Variants in SFXN1 observed in about 807,000 individuals in gnomAD.
SFXN1 encodes sideroflexin-1.
Under a neutral mutation model 39.5 loss-of-function variants are expected in SFXN1, and 32 were observed. The ratio of observed to expected loss-of-function variants is 0.81; its 90% CI spans 0.61 to 1.09. The LOEUF (loss-of-function observed/expected upper bound fraction) is 1.09, where lower values mean the gene tolerates loss of function less well. SFXN1 is among the 50% of genes least tolerant of loss of function. The pLI, the probability that SFXN1 is intolerant of heterozygous loss-of-function variation, is 0.00. For missense variants in SFXN1, 402 were observed against 407.1 expected (o/e 0.99, Z 0.11); for synonymous variants, 136 against 146.5 (o/e 0.93, Z 0.52).
intron 7 of SFXN1, chr5:175,513,826 G>A: frequency 2.5e-6 from 1 of 398,986 alleles, no homozygotes; most frequent in East Asian, 4.7e-5. Flanking sequence ...ACTGGGTGGA[G>A]GTGTGGGAGT....
chr5:175,514,899 T>G (rs1760666492), intron 7 of SFXN1, among the ~76,000 whole-genome samples: 1 of 152,234 alleles, frequency 6.6e-6, no homozygotes, highest in Non-Finnish European at 1.5e-5. Context: ...AGCACGTTTG[T>G]CACTAACCTA....
At chr5:175,485,236 T>C (rs749256933) in intron 1 of SFXN1, among the ~76,000 whole-genome samples, 38 of 152,244 alleles carry the variant, frequency 2.5e-4, no homozygotes, top group Non-Finnish European at 4.7e-4. Flanking sequence ...GGAAACAGTG[T>C]TGTATTCATT....
At position 175,527,347 on chromosome 5, in the gene SFXN1, GCCTTC is replaced by G. The variant is rs1393617926; in HGVS notation, c.*617_*621del. 1 of 152,240 alleles carries G rather than the reference GCCTTC, an allele frequency of 6.6e-6. No homozygotes were observed. Among genetic ancestry groups the G allele is most frequent in the East Asian group, 1.9e-4 (1 of 5,200 alleles). 9.4% of individuals were successfully genotyped at this position (152,240 alleles called of 1,614,324 possible). A position where few individuals can be genotyped will look rare whatever the true frequency, so the allele number is the denominator to read the frequency against. The stretch of plus-strand genomic sequence containing the variant: ...AGTCAGTCACAGACCACTGCAACAT[GCCTTC>G]CCTGCTGGATCATTATATACATTCA... On this transcript the variant is annotated 3_prime_UTR_variant, in exon 11 of 11. Transcript: ENST00000321442.
intron 10 of SFXN1, chr5:175,525,802 T>C (rs1761040435): frequency 1.3e-5 from 2 of 152,060 alleles, no homozygotes; most frequent in Admixed American, 1.3e-4. Flanking sequence ...ATACAAAAAT[T>C]TGGGTCTCAC....
At position 175,528,743 on chromosome 5, in the gene SFXN1, G is replaced by C. The variant is rs273077; in HGVS notation, c.*2009G>C. On this transcript the variant is annotated 3_prime_UTR_variant, in exon 11 of 11. Transcript: ENST00000321442. ...TGTCTTAAACCATTGGAAGCAAAAC[G>C]GTTTTCCCATGACATTCTGGCCTTG... 0.53 allele frequency: 81,084 copies of C among 151,942 alleles called. 23,548 individuals are homozygous for C. The highest frequency in any genetic ancestry group is 0.66 in the Non-Finnish European group (44,788 of 67,954). 9.4% of individuals were successfully genotyped at this position (151,942 alleles called of 1,614,324 possible). A position where few individuals can be genotyped will look rare whatever the true frequency, so the allele number is the denominator to read the frequency against.
rs745533882 is a variant in SFXN1 at position 175,526,482 on chromosome 5, C to T, written c.873-156C>T. On this transcript the variant is annotated intron_variant, in intron 10 of 10. Coordinates refer to ENST00000321442, the MANE Select transcript of SFXN1 (RefSeq NM_022754.7). ...ATGAGTGACATTTTTCTGAAAGGAA[C>T]GTGATCTCGTTTTCTAGCCGCATGA... Among the ~76,000 whole-genome samples the T allele has an allele frequency of 1.8e-4, 28 of 152,138 alleles. 1 individual carries two copies. The highest frequency in any genetic ancestry group is 6.2e-4 in the South Asian group (3 of 4,830).
chr5:175,522,409 T>C lies in SFXN1; in HGVS notation c.859T>C (p.Phe287Leu), dbSNP rs542634572. The C allele has an allele frequency of 1.9e-6, 3 of 1,612,304 alleles. No individual in the cohort carries two copies. The highest frequency in any genetic ancestry group is 1.7e-4 in the Middle Eastern group (1 of 6,052). ...VFATPLCCAL[F>L]PQKSSMSVTS... ...TGCTACACCCCTGTGTTGTGCCCTG[T>C]TTCCTCAGAAAAGGTATGTATTTGT... Residue 287 changes from phenylalanine (F) to leucine (L), a missense_variant, in exon 10 of 11, where the codon TTT becomes CTT. Transcript: ENST00000321442.
At position 175,526,708 on chromosome 5, in the gene SFXN1, C is replaced by T. The variant is rs565247710; in HGVS notation, c.943C>T (p.Arg315Cys). Reference sequence around the variant, plus strand: ...CCAAGAGAGCCATCCTGAATTGCGACGCGTGTACTTCAATAAGGGATTGTA... The same window carrying T: ...CCAAGAGAGCCATCCTGAATTGCGATGCGTGTACTTCAATAAGGGATTGTA... ...KIQESHPELR[R>C]VYFNKGL is the part of the protein sequence containing the mutation. Residue 315 changes from arginine (R) to cysteine (C), a missense_variant, in exon 11 of 11, where the codon CGC becomes TGC. Coordinates refer to ENST00000321442, the MANE Select transcript of SFXN1 (RefSeq NM_022754.7). 5.9e-5 allele frequency: 95 copies of T among 1,614,186 alleles called. No homozygotes were observed. The East Asian group carries it at 1.5e-3, about 25-fold the overall frequency.
intron 2 of SFXN1, among the ~76,000 whole-genome samples, chr5:175,497,195 CT>C (rs2113294539): frequency 6.6e-6 from 1 of 152,190 alleles, no homozygotes; most frequent in South Asian, 2.1e-4. Context: ...CGCCTATATA[CT>C]TTTATATATA....
At chr5:175,526,509 G>A in intron 10 of SFXN1, 129 bp from the exon 11 acceptor site, 1 of 675,694 alleles carries the variant, frequency 1.5e-6, no homozygotes, top group Non-Finnish European at 2.6e-6. Flanking sequence ...GCCGCATGAA[G>A]CATTTCTCCA....
intron 2 of SFXN1, 97 bp downstream of exon 2, chr5:175,492,364 T>G: frequency 8.5e-7 from 1 of 1,172,232 alleles, no homozygotes; most frequent in Non-Finnish European, 1.1e-6. Context: ...ACAACTTTTT[T>G]TTTTGCAATG....
chr5:175,494,688 G>A (rs1759789774), intron 2 of SFXN1, among the ~76,000 whole-genome samples: 1 of 151,660 alleles, frequency 6.6e-6, no homozygotes, highest in Admixed American at 6.6e-5. Context: ...GGAGGCAGAG[G>A]TTGCAGTGAG....
chr5:175,490,452 G>T (rs898870217), intron 1 of SFXN1, among the ~76,000 whole-genome samples: 1 of 152,166 alleles, frequency 6.6e-6, no homozygotes, highest in Admixed American at 6.5e-5. Context: ...TCCATGATAT[G>T]TGTTCATTGG....
chr5:175,521,781 G>A (rs1038523514), intron 8 of SFXN1, 138 bp from the exon 9 acceptor site: 5 of 639,720 alleles, frequency 7.8e-6, no homozygotes, highest in Non-Finnish European at 1.4e-5. Flanking sequence ...CCTTGTTGCA[G>A]CATTTCCCCC....
At chr5:175,505,537 C>CAATAATAATAATAAT (rs3049011) in intron 2 of SFXN1, among the ~76,000 whole-genome samples, 10,500 of 143,658 alleles carry the variant, frequency 0.073, 499 homozygotes, top group Non-Finnish European at 0.1. Flanking sequence ...AACTCCATCA[C>CAATAATAATAATAAT]AATAATAATA....
intron 2 of SFXN1, among the ~76,000 whole-genome samples, chr5:175,502,964 T>C (rs1760140808): frequency 6.6e-6 from 1 of 152,006 alleles, no homozygotes; most frequent in Non-Finnish European, 1.5e-5. Flanking sequence ...GTCAAAGAGG[T>C]CAGACACAAA....
chr5:175,480,186 G>A (rs1464760272), intron 1 of SFXN1, among the ~76,000 whole-genome samples: 3 of 152,204 alleles, frequency 2.0e-5, no homozygotes, highest in South Asian at 2.1e-4. Flanking sequence ...CGGATCACGA[G>A]GTCAGGAGAT....
chr5:175,510,409 T>C (rs1331510803), intron 4 of SFXN1: 9 of 536,970 alleles, frequency 1.7e-5, no homozygotes, highest in Non-Finnish European at 3.0e-5. Flanking sequence ...AACAGTCTTC[T>C]TCCAGCCTGC....
chr5:175,513,613 T>C (rs752793899), intron 7 of SFXN1, 23 bp downstream of exon 7: 2 of 1,612,596 alleles, frequency 1.2e-6, no homozygotes, highest in East Asian at 2.2e-5. Context: ...TTGTCATTTA[T>C]TCCATAAATA....
Sources: gnomAD v4.1 joint callset for allele counts (sites outside exome capture counted in the v4.1 genomes callset) on GRCh38, gnomAD v4.1.1 for gene constraint, MANE v1.5 for transcripts, NCBI Gene and HGNC (gene_info 2026-07-23, HGNC 2026-07-21) for gene names.